The following TUBGCP2 variants were observed in gnomAD, a reference collection of about 807,000 sequenced individuals.
TUBGCP2 encodes gamma-tubulin complex component 2.
TUBGCP2 carries 55 observed loss-of-function variants against 92.2 expected under a neutral mutation model. The ratio of observed to expected loss-of-function variants is 0.60; its 90% confidence interval spans 0.48 to 0.75. TUBGCP2 has a LOEUF of 0.75. Among genes scored for constraint, TUBGCP2 ranks in the 30% least tolerant of loss-of-function variants. The pLI, the probability that TUBGCP2 is intolerant of heterozygous loss-of-function variation, is 0.00. For missense variants in TUBGCP2, 1,093 were observed against 1,188.9 expected, an observed-to-expected ratio of 0.92 and a Z score of 1.19; for synonymous variants, 533 against 505.2, an observed-to-expected ratio of 1.06 and a Z score of -0.74.
At chr10:133,308,317 G>A (rs537654810) in intron 1 of TUBGCP2, among the ~76,000 whole-genome samples, 9 of 152,216 alleles carry the variant, frequency 5.9e-5, no homozygotes, top group Non-Finnish European at 1.2e-4. Context: ...CACGGGAGCT[G>A]CGGGGACTGG....
chr10:133,287,876 G>A (rs543266528), intron 11 of TUBGCP2, among the ~76,000 whole-genome samples: 54 of 152,338 alleles, frequency 3.5e-4, no homozygotes, highest in African/African-American at 1.2e-3. Context: ...AATTCCACAA[G>A]GCCAGCATGA....
chr10:133,286,535 C>G (rs1847137223), intron 11 of TUBGCP2, among the ~76,000 whole-genome samples: 1 of 152,244 alleles, frequency 6.6e-6, no homozygotes, highest in African/African-American at 2.4e-5. Flanking sequence ...CTCAACCCAC[C>G]TGCAGAACAC....
chr10:133,288,762 C>T lies in TUBGCP2; in HGVS notation c.1541+78G>A, dbSNP rs1847198748. On this transcript the variant is annotated intron_variant, in intron 10 of 17. Transcript: ENST00000252936. ...GGCGGAGCTGCCAGAAGAAACCCAG[C>T]GATCTCAGCCCCACGTCCCACAGGT... 2.2e-5 allele frequency: 31 copies of T among 1,438,774 alleles called. No individual in the cohort carries two copies. The Admixed American group carries it at 2.2e-4, about 10-fold the overall frequency. The allele number at this position is 1,438,774 out of a possible 1,614,324, so 89.1% of individuals were successfully genotyped here. A position where few individuals can be genotyped will look rare whatever the true frequency, so the allele number is the denominator to read the frequency against.
At chr10:133,299,664 G>T in intron 3 of TUBGCP2, 61 bp from the exon 4 acceptor site, 3 of 1,429,140 alleles carry the variant, frequency 2.1e-6, no homozygotes, top group Non-Finnish European at 2.9e-6. Context: ...CATAGGGGGA[G>T]AGTAGGGACG....
upstream of TUBGCP2, chr10:133,309,833 C>T (rs773932493): frequency 2.2e-5 from 35 of 1,613,572 alleles, 1 homozygote; most frequent in Non-Finnish European, 2.9e-5. Flanking sequence ...ATGCCCTGGA[C>T]GACTACGAGC....
upstream of TUBGCP2, chr10:133,309,174 A>C (rs1441529588): frequency 5.3e-6 from 7 of 1,329,884 alleles, no homozygotes; most frequent in Non-Finnish European, 5.8e-6. Context: ...CGGAGCCTGG[A>C]GTGGGAGGGG....
chr10:133,296,776 G>C (rs889077878), intron 5 of TUBGCP2, among the ~76,000 whole-genome samples: 1 of 152,098 alleles, frequency 6.6e-6, no homozygotes, highest in Non-Finnish European at 1.5e-5. Context: ...ATGCCTGGCC[G>C]AAGTAGACTG....
At chr10:133,311,226 C>A (rs544643077), upstream of TUBGCP2, among the ~76,000 whole-genome samples, 10 of 152,300 alleles carry the variant, frequency 6.6e-5, no homozygotes, top group South Asian at 1.9e-3. Context: ...TAGTAATTTG[C>A]TCTTTAAAAT....
upstream of TUBGCP2, chr10:133,311,802 C>A (rs755572282): frequency 1.9e-6 from 3 of 1,613,386 alleles, no homozygotes; most frequent in Admixed American, 1.7e-5. Context: ...GTGGCAGCCT[C>A]CCCTGCACCG....
At chr10:133,283,659 C>CCT in intron 14 of TUBGCP2, among the ~76,000 whole-genome samples, 1 of 152,160 alleles carries the variant, frequency 6.6e-6, no homozygotes, top group South Asian at 2.1e-4. Flanking sequence ...TCCTGCACTC[C>CCT]GTGTCTCCCT....
chr10:133,301,345 G>A (rs904367331), intron 2 of TUBGCP2, among the ~76,000 whole-genome samples: 2 of 151,950 alleles, frequency 1.3e-5, no homozygotes, highest in African/African-American at 4.8e-5. Context: ...GGCTGGTCTC[G>A]AACTCCCAAC....
chr10:133,288,437 C>T (rs1191331192), intron 10 of TUBGCP2, 128 bp from the exon 11 acceptor site: 1 of 1,187,664 alleles, frequency 8.4e-7, no homozygotes, highest in Non-Finnish European at 1.2e-6. Flanking sequence ...AGCACGTGCC[C>T]ACCCGCAGGT....
At chr10:133,292,883 G>C (rs1291020707) in intron 7 of TUBGCP2, among the ~76,000 whole-genome samples, 156 bp downstream of exon 7, 1 of 152,214 alleles carries the variant, frequency 6.6e-6, no homozygotes, top group Admixed American at 6.5e-5. Context: ...CTTTCCTCTT[G>C]CAAGTTAATA....
At chr10:133,302,211 G>A (rs1441895503) in intron 2 of TUBGCP2, 3 of 165,794 alleles carry the variant, frequency 1.8e-5, no homozygotes, top group Non-Finnish European at 1.3e-5. Flanking sequence ...CACACACACA[G>A]ACCAAGTGCT....
Position 133,292,576 on chromosome 10 carries a change from T to G in TUBGCP2, c.1137A>C (p.Leu379=). ...DSQAQELCLY[L]TKAASAPYFE... ...AGTAGGGAGCACTGGCCGCCTTGGTTAGGTACAGGCATAGCTCCTGCGCCT... is the reference window on the plus strand; with the variant it reads ...AGTAGGGAGCACTGGCCGCCTTGGTGAGGTACAGGCATAGCTCCTGCGCCT... Residue 379 remains leucine, a synonymous_variant, in exon 8 of 18, where the codon CTA becomes CTC. Transcript: ENST00000252936. 1 of 1,614,156 alleles carries G rather than the reference T, an allele frequency of 6.2e-7. No individual in the cohort carries two copies. The highest frequency in any genetic ancestry group is 8.5e-7 in the Non-Finnish European group (1 of 1,180,010).
intron 5 of TUBGCP2, among the ~76,000 whole-genome samples, chr10:133,294,060 G>A (rs1188927927): frequency 1.3e-5 from 2 of 152,262 alleles, no homozygotes; most frequent in African/African-American, 4.8e-5. Context: ...GAAGTTAGGA[G>A]TTGAAAAGGC....
At chr10:133,282,109 G>A in intron 16 of TUBGCP2, 114 bp downstream of exon 16, 1 of 1,505,182 alleles carries the variant, frequency 6.6e-7, no homozygotes, top group Admixed American at 2.0e-5. Flanking sequence ...TCTTCAATCT[G>A]AGGGGAGATG....
At chr10:133,283,370 A>G in intron 14 of TUBGCP2, 149 bp from the exon 15 acceptor site, 2 of 1,135,918 alleles carry the variant, frequency 1.8e-6, no homozygotes, top group South Asian at 3.1e-5. Flanking sequence ...GAAAACTTCC[A>G]AACACCACTA....
chr10:133,309,036 C>T (rs762864220), upstream of TUBGCP2: 3 of 1,271,078 alleles, frequency 2.4e-6, no homozygotes, highest in South Asian at 9.8e-5. Context: ...CGGCTGGGGC[C>T]GCGCCCTTTC....
Sources: allele counts gnomAD v4.1 joint callset (sites outside exome capture counted in the v4.1 genomes callset), GRCh38; gene constraint gnomAD v4.1.1; transcripts MANE v1.5; gene names NCBI Gene and HGNC (gene_info 2026-07-23, HGNC 2026-07-21).